DBNL: variants seen among roughly 807,000 people sequenced by gnomAD.
DBNL encodes drebrin-like protein.
In DBNL, 35 loss-of-function variants were observed where a neutral mutation model predicts 62.2. The ratio of observed to expected loss-of-function variants is 0.56; its 90% CI spans 0.43 to 0.75. The LOEUF is 0.75. Ranked by LOEUF, DBNL falls within the 30% of genes least tolerant of loss-of-function variation. DBNL has a pLI of 0.00. For synonymous variants in DBNL, 197 were observed against 218.0 expected (o/e 0.90, Z 0.85); for missense variants, 495 against 578.4 (o/e 0.86, Z 1.48).
intron 4 of DBNL, among the ~76,000 whole-genome samples, chr7:44,055,901 GC>G (rs1171759526): frequency 6.6e-6 from 1 of 152,150 alleles, no homozygotes; most frequent in Non-Finnish European, 1.5e-5. Context: ...CTGTGCAGAA[GC>G]CTTTTAGCTT....
At chr7:44,047,588 T>A (rs1252096787) in intron 1 of DBNL, among the ~76,000 whole-genome samples, 1 of 152,200 alleles carries the variant, frequency 6.6e-6, no homozygotes, top group African/African-American at 2.4e-5. Flanking sequence ...GTAAGTTCCA[T>A]GGGCAGGACC....
At chr7:44,045,433 A>T (rs2096115475) in intron 1 of DBNL, among the ~76,000 whole-genome samples, 1 of 152,248 alleles carries the variant, frequency 6.6e-6, no homozygotes, top group Non-Finnish European at 1.5e-5. Flanking sequence ...GGGAAGATGT[A>T]CGAAAGTAGG....
rs1487981534 is a variant in DBNL, at chr7:44,055,786, G to T, written c.328-971G>T. ...ATTTTTTTGCTACTGAGTTGTTTGA[G>T]TTCCTTATATATTCTGGTCACTAAT... is the stretch of plus-strand genomic sequence containing the variant. On this transcript the variant is annotated intron_variant, in intron 4 of 12. Coordinates refer to ENST00000448521, the MANE Select transcript of DBNL (RefSeq NM_001014436.3). Among the ~76,000 whole-genome samples, 13 of 152,198 alleles carry T rather than the reference G, an allele frequency of 8.5e-5. 1 individual carries two copies. The highest frequency in any genetic ancestry group is 8.5e-4 in the Admixed American group (13 of 15,284).
Position 44,062,489 on chromosome 7 carries a change from T to G in DBNL, c.*1573T>G. ...CCCCAAGCACGCCAATTCTGGAGCA[T>G]GGTTACTAAGTGGCTCTGAAGCTTC... On this transcript the variant is annotated 3_prime_UTR_variant, in exon 13 of 13. Transcript: ENST00000448521. 2.1e-6 allele frequency: 1 copy of G among 485,646 alleles called. No homozygotes were observed. Among genetic ancestry groups the G allele is most frequent in the Non-Finnish European group, 3.8e-6 (1 of 263,622 alleles). 30.1% of individuals were successfully genotyped at this position (485,646 alleles called of 1,614,324 possible).
At chr7:44,045,095 G>T (rs898719929) in intron 1 of DBNL, among the ~76,000 whole-genome samples, 7 of 152,238 alleles carry the variant, frequency 4.6e-5, no homozygotes, top group Non-Finnish European at 7.3e-5. Context: ...ACCCACTGTG[G>T]GCTTCGCGGG....
intron 1 of DBNL, among the ~76,000 whole-genome samples, chr7:44,045,141 T>G (rs1562648207): frequency 6.6e-6 from 1 of 152,198 alleles, no homozygotes; most frequent in Admixed American, 6.5e-5. Flanking sequence ...TCGTGCTTGC[T>G]AGCTTCGCCA....
chr7:44,059,634 G>A lies in DBNL; in HGVS notation c.1023G>A (p.Glu341=), dbSNP rs371649373. 1.2e-6 allele frequency: 2 copies of A among 1,606,902 alleles called. No individual in the cohort carries two copies. The highest frequency in any genetic ancestry group is 2.7e-5 in the African/African-American group (2 of 74,840). ...TGTATGAGGAACCTCCAGAGCAGGA[G>A]ACCTTCTACGAGCAGCCCCCACTGG... ...EAVYEEPPEQ[E]TFYEQPPLVQ... Residue 341 remains glutamate (E), a synonymous_variant, in exon 11 of 13, where the codon GAG becomes GAA. Transcript: ENST00000448521. This position sits in a 1 kb window ranked among gnomAD's most constrained non-coding sequence, Gnocchi z 4.1.
intron 1 of DBNL, among the ~76,000 whole-genome samples, chr7:44,049,212 A>C (rs1012955809): frequency 1.3e-5 from 2 of 152,106 alleles, no homozygotes; most frequent in African/African-American, 4.8e-5. Context: ...GCTGGAGTGC[A>C]GTGGCGCGAT....
At chr7:44,047,021 A>G (rs2128788647) in intron 1 of DBNL, among the ~76,000 whole-genome samples, 1 of 152,266 alleles carries the variant, frequency 6.6e-6, no homozygotes, top group South Asian at 2.1e-4. Flanking sequence ...ACATCGTCCC[A>G]GGTGGCTCCC....
At chr7:44,052,610 CAAA>C (rs756096866) in intron 3 of DBNL, among the ~76,000 whole-genome samples, 14 of 109,966 alleles carry the variant, frequency 1.3e-4, no homozygotes, top group Admixed American at 1.9e-4. Flanking sequence ...ACTCCATCTC[CAAA>C]AAAAAAAAAA....
At position 44,059,018 on chromosome 7, in the gene DBNL, C is replaced by G; in HGVS notation, c.835+35C>G. 6.2e-7 allele frequency: 1 copy of G among 1,610,068 alleles called. No individual in the cohort carries two copies. Among genetic ancestry groups the G allele is most frequent in the South Asian group, 1.1e-5 (1 of 90,912 alleles). ...CCCTTTGGGCCTGGCCATGAGGCAGCAGCAGGCTGAGGGGGAGCCTGGGGT... is the reference window on the plus strand; with the variant it reads ...CCCTTTGGGCCTGGCCATGAGGCAGGAGCAGGCTGAGGGGGAGCCTGGGGT... On this transcript the variant is annotated intron_variant, in intron 9 of 12. Transcript: ENST00000448521. The surrounding 1 kb of genome is among the most constrained non-coding windows in gnomAD (Gnocchi z 4.1).
In DBNL at chr7:44,065,611, G is replaced by T; in HGVS notation, c.*4695G>T. On this transcript the variant is annotated 3_prime_UTR_variant, in exon 13 of 13. Coordinates refer to ENST00000448521, the MANE Select transcript of DBNL (RefSeq NM_001014436.3). ...CCAGCTTTATAATAGTGTCTTCCCA[G>T]CCCCCACCCACCCCAGCCAACTGCC... 1 of 1,374,784 alleles carries T rather than the reference G, an allele frequency of 7.3e-7. No homozygotes were observed. The highest frequency in any genetic ancestry group is 1.0e-6 in the Non-Finnish European group (1 of 976,490). The allele number at this position is 1,374,784 out of a possible 1,614,324, so 85.2% of individuals were successfully genotyped here.
chr7:44,058,305 TG>T (rs1369355807), intron 7 of DBNL, 25 bp downstream of exon 7: 2 of 1,579,724 alleles, frequency 1.3e-6, no homozygotes, highest in Admixed American at 3.5e-5. Context: ...GAGGCTGGCC[TG>T]GGGGACCCAC....
chr7:44,065,196 C>G lies in DBNL; in HGVS notation c.*4280C>G. On this transcript the variant is annotated 3_prime_UTR_variant, in exon 13 of 13. Transcript: ENST00000448521. ...TCGAAGGAGCGCCTCCAGATCTTCA[C>G]CTGCTCCTCCCCGTGCTTGGCGGCC... 2 of 1,614,118 alleles carry G rather than the reference C, an allele frequency of 1.2e-6. No individual in the cohort carries two copies. Among genetic ancestry groups the G allele is most frequent in the South Asian group, 2.2e-5 (2 of 91,088 alleles).
chr7:44,055,294 C>T (rs962658977), intron 4 of DBNL, among the ~76,000 whole-genome samples: 6 of 152,114 alleles, frequency 3.9e-5, no homozygotes, highest in African/African-American at 7.2e-5. Flanking sequence ...GGTGAAACCC[C>T]GTCTCTACTA....
chr7:44,059,786 G>GT lies in DBNL; in HGVS notation c.1047+129dup. On this transcript the variant is annotated intron_variant, in intron 11 of 12. Coordinates refer to ENST00000448521, the MANE Select transcript of DBNL (RefSeq NM_001014436.3). This position sits in a 1 kb window ranked among gnomAD's most constrained non-coding sequence, Gnocchi z 4.1. ...GCACATGCATTTTTGGAGCAGCCCT[G>GT]TGTTATAAATTGTCAGGGCACGCCC... 2 of 998,164 alleles carry GT rather than the reference G, an allele frequency of 2.0e-6. No homozygotes were observed. The highest frequency in any genetic ancestry group is 2.9e-6 in the Non-Finnish European group (2 of 687,718). 61.8% of individuals were successfully genotyped at this position (998,164 alleles called of 1,614,324 possible).
At position 44,062,850 on chromosome 7, in the gene DBNL, G is replaced by A. The variant is rs1478707985; in HGVS notation, c.*1934G>A. On this transcript the variant is annotated 3_prime_UTR_variant, in exon 13 of 13. Coordinates refer to ENST00000448521, the MANE Select transcript of DBNL (RefSeq NM_001014436.3). ...CCCAGGAACTGCATGGGCTTGGTGG[G>A]CTTCAGCTCCTTGTTCAGCTCATAC... The A allele has an allele frequency of 3.7e-6, 6 of 1,614,098 alleles. No individual in the cohort carries two copies. Among genetic ancestry groups the A allele is most frequent in the Admixed American group, 3.3e-5 (2 of 60,016 alleles).
intron 8 of DBNL, 105 bp downstream of exon 8, chr7:44,058,585 C>A: frequency 6.9e-7 from 1 of 1,439,602 alleles, no homozygotes; most frequent in Non-Finnish European, 9.5e-7. Flanking sequence ...GGCTGCCCTG[C>A]AGTCAGCTGG....
chr7:44,055,295 G>A (rs574313042), intron 4 of DBNL, among the ~76,000 whole-genome samples: 1 of 152,096 alleles, frequency 6.6e-6, no homozygotes, highest in South Asian at 2.1e-4. Context: ...GTGAAACCCC[G>A]TCTCTACTAA....
Sources: allele counts gnomAD v4.1 joint callset (sites outside exome capture counted in the v4.1 genomes callset), GRCh38; gene constraint gnomAD v4.1.1; non-coding constraint Gnocchi (gnomAD v3.1); transcripts MANE v1.5; gene names NCBI Gene and HGNC (gene_info 2026-07-23, HGNC 2026-07-21).